Variants in CDH23 observed in about 807,000 individuals in gnomAD.
CDH23 encodes cadherin related 23, also known as cadherin-23.
A neutral mutation model predicts 317.1 loss-of-function variants in CDH23; 189 were observed. That is an observed-to-expected ratio of 0.60 (90% CI 0.53 to 0.67). CDH23 has a LOEUF of 0.67. CDH23 is among the 30% of genes least tolerant of loss of function. The probability of loss-of-function intolerance (pLI) is 0.00; values close to 1 mark genes in which losing one functional copy is unlikely to be tolerated. For synonymous variants in CDH23, 1,839 were observed against 1,876.8 expected, an observed-to-expected ratio of 0.98 and a Z score of 0.52; for missense variants, 4,401 against 4,592.4, an observed-to-expected ratio of 0.96 and a Z score of 1.20.
At chr10:71,690,904 C>A (rs10999953) in intron 20 of CDH23, among the ~76,000 whole-genome samples, 1 of 152,026 alleles carries the variant, frequency 6.6e-6, no homozygotes, top group Non-Finnish European at 1.5e-5. Context: ...GCCTCAGGGT[C>A]CCCCTCCCTC....
chr10:71,447,343 G>A (rs1055260160), intron 3 of CDH23, among the ~76,000 whole-genome samples: 1 of 152,172 alleles, frequency 6.6e-6, no homozygotes, highest in African/African-American at 2.4e-5. Context: ...GTGCAGTAGA[G>A]TGGATGCATA....
intron 20 of CDH23, 121 bp from the exon 21 acceptor site, chr10:71,694,026 C>A: frequency 1.2e-6 from 1 of 802,762 alleles, no homozygotes; most frequent in Non-Finnish European, 2.1e-6. Context: ...ATCATGGTAG[C>A]TTGCTAACAT....
chr10:71,585,667 G>C (rs1255070572), intron 9 of CDH23, among the ~76,000 whole-genome samples: 3 of 152,210 alleles, frequency 2.0e-5, no homozygotes, highest in African/African-American at 7.2e-5. Flanking sequence ...CTCCTGATGA[G>C]CCACAGAAAA....
At chr10:71,462,216 G>A (rs1342282441) in intron 3 of CDH23, among the ~76,000 whole-genome samples, 1 of 152,246 alleles carries the variant, frequency 6.6e-6, no homozygotes, top group Admixed American at 6.5e-5. Flanking sequence ...AGTGCAGTTC[G>A]CCCCTGCCCG....
At chr10:71,484,668 C>T (rs1852248603) in intron 3 of CDH23, among the ~76,000 whole-genome samples, 1 of 152,232 alleles carries the variant, frequency 6.6e-6, no homozygotes, top group Non-Finnish European at 1.5e-5. Context: ...TAAACATTAT[C>T]AGCAATGCTG....
intron 41 of CDH23, among the ~76,000 whole-genome samples, chr10:71,782,005 C>T (rs1416983722): frequency 6.6e-6 from 1 of 152,226 alleles, no homozygotes; most frequent in African/African-American, 2.4e-5. Flanking sequence ...GCTGGTTTCA[C>T]AGTGCACCAC....
At chr10:71,485,354 C>T (rs1245414472) in intron 3 of CDH23, among the ~76,000 whole-genome samples, 1 of 152,140 alleles carries the variant, frequency 6.6e-6, no homozygotes, top group Non-Finnish European at 1.5e-5. Context: ...AAAAAGTGGT[C>T]TGAAAGTTGG....
Position 71,690,516 on chromosome 10 carries a change from A to T in CDH23, c.2108A>T (p.Glu703Val), listed in dbSNP as rs1482065186. 6.2e-7 allele frequency: 1 copy of T among 1,611,604 alleles called. No individual in the cohort carries two copies. Among genetic ancestry groups the T allele is most frequent in the East Asian group, 2.2e-5 (1 of 44,836 alleles). The change falls in exon 20 of 70, where the codon GAG (glutamate) becomes GTG (valine). Residue 703 changes from glutamate (E) to valine (V), a missense_variant. Physicochemically the swap from Glu to Val is moderately radical, Grantham distance 121. This residue lies in a region of CDH23 where 3,068 missense variants were observed against 3,203.3 expected (regional missense o/e 0.96). Coordinates refer to ENST00000224721, the MANE Select transcript of CDH23 (RefSeq NM_022124.6). Reference sequence around the variant, plus strand: ...GCCACAGACCTGGACCGCTCCCGGGAGTACGGCCAGGAGTCCATCATCTAC... The same window carrying T: ...GCCACAGACCTGGACCGCTCCCGGGTGTACGGCCAGGAGTCCATCATCTAC... Reference protein sequence around the residue: ...LNATDLDRSREYGQESIIYSL... With the variant: ...LNATDLDRSRVYGQESIIYSL...
intron 14 of CDH23, among the ~76,000 whole-genome samples, chr10:71,657,248 G>A (rs1023165692): frequency 2.6e-5 from 4 of 152,222 alleles, no homozygotes; most frequent in Non-Finnish European, 4.4e-5. Context: ...GCCTTGAGCC[G>A]GTGACTGAAG....
At chr10:71,663,564 T>G (rs796176680) in intron 14 of CDH23, among the ~76,000 whole-genome samples, 12 of 152,236 alleles carry the variant, frequency 7.9e-5, no homozygotes, top group African/African-American at 2.7e-4. Flanking sequence ...TGCTGGGTCT[T>G]TTTTCTTGCC....
chr10:71,472,372 T>G (rs1037679779), intron 3 of CDH23, among the ~76,000 whole-genome samples: 2 of 152,348 alleles, frequency 1.3e-5, no homozygotes, highest in East Asian at 3.9e-4. Flanking sequence ...GCTGGGCCTC[T>G]GTCTGGGTCA....
At chr10:71,752,756 T>G (rs1840037680) in intron 38 of CDH23, among the ~76,000 whole-genome samples, 1 of 151,616 alleles carries the variant, frequency 6.6e-6, no homozygotes, top group Non-Finnish European at 1.5e-5. Context: ...CGAAGGTGGG[T>G]GCATGACACA....
At position 71,724,055 on chromosome 10, in the gene CDH23, C is replaced by T. The variant is rs745320257; in HGVS notation, c.3380C>T (p.Thr1127Met). ...EGHSILQLKATDADEGEFGRV... is the reference protein window; with the variant it reads ...EGHSILQLKAMDADEGEFGRV... Reference sequence around the variant, plus strand: ...CTCATTCTTCCTCAGCTGAAAGCCACGGACGCAGATGAGGGCGAGTTTGGG... The same window carrying T: ...CTCATTCTTCCTCAGCTGAAAGCCATGGACGCAGATGAGGGCGAGTTTGGG... Residue 1127 changes from threonine to methionine, a missense_variant, in exon 29 of 70, where the codon ACG becomes ATG. Physicochemically the swap from Thr to Met is moderately conservative, Grantham distance 81 (BLOSUM62 -1). Transcript: ENST00000224721. 1.1e-5 allele frequency: 17 copies of T among 1,559,980 alleles called. No homozygotes were observed. Among genetic ancestry groups the T allele is most frequent in the East Asian group, 2.4e-5 (1 of 41,790 alleles).
intron 45 of CDH23, 114 bp from the exon 46 acceptor site, chr10:71,790,174 C>CA (rs1841207123): frequency 1.4e-6 from 2 of 1,427,198 alleles, no homozygotes; most frequent in South Asian, 2.8e-5. Context: ...CTGTCCACCT[C>CA]ACCTCCCTCC....
At chr10:71,700,773 C>T (rs1865551524) in intron 22 of CDH23, among the ~76,000 whole-genome samples, 1 of 152,168 alleles carries the variant, frequency 6.6e-6, no homozygotes, top group African/African-American at 2.4e-5. Flanking sequence ...CTCCATCAGC[C>T]TCTCTCTCCC....
At chr10:71,568,934 G>C (rs1028466453) in intron 7 of CDH23, among the ~76,000 whole-genome samples, 2 of 152,252 alleles carry the variant, frequency 1.3e-5, no homozygotes, top group African/African-American at 4.8e-5. Context: ...GGGACAGAGA[G>C]GGCCTGTGCC....
chr10:71,806,219 C>T lies in CDH23; in HGVS notation c.8116C>T (p.Gln2706Ter), dbSNP rs868704236. The T allele has an allele frequency of 6.3e-7, 1 of 1,579,198 alleles. No individual in the cohort carries two copies. The change falls in exon 57 of 70, where the codon CAG (glutamine) becomes TAG (stop). Residue 2706 changes from glutamine (Q) to a stop codon, truncating the protein, a stop_gained. Coordinates refer to ENST00000224721, the MANE Select transcript of CDH23 (RefSeq NM_022124.6). LOFTEE classifies it high-confidence loss of function. Reference sequence around the variant, plus strand: ...CCAGCCAGTGCCATACGAGACTATGCAGCCGCTGCAGGTGGCCCTGGAGGA... The same window carrying T: ...CCAGCCAGTGCCATACGAGACTATGTAGCCGCTGCAGGTGGCCCTGGAGGA... ...LGQPVPYETMQPLQVALEDID... is the reference protein window; with the variant it reads ...LGQPVPYETM
intron 38 of CDH23, among the ~76,000 whole-genome samples, chr10:71,776,372 T>C (rs1473511503): frequency 6.6e-6 from 1 of 152,336 alleles, no homozygotes; most frequent in East Asian, 1.9e-4. Context: ...GCAAATTGCC[T>C]ACATTGAGTT....
Position 71,617,397 on chromosome 10 carries a change from A to G in CDH23, c.1134+4A>G. 6.2e-7 allele frequency: 1 copy of G among 1,612,832 alleles called. No homozygotes were observed. Among genetic ancestry groups the G allele is most frequent in the East Asian group, 2.2e-5 (1 of 44,886 alleles). On this transcript the variant is annotated splice_donor_region_variant and intron_variant, in intron 11 of 69. Coordinates refer to ENST00000224721, the MANE Select transcript of CDH23 (RefSeq NM_022124.6). ...CCAGGTGGTGGACAAGGATGAGGTG[A>G]GTCCCTGGACACATGGCCCATGCAG...
Sources: allele counts gnomAD v4.1 joint callset (sites outside exome capture counted in the v4.1 genomes callset), GRCh38; gene constraint gnomAD v4.1.1; regional missense constraint gnomAD v4.1.1; transcripts MANE v1.5; gene names NCBI Gene and HGNC (gene_info 2026-07-23, HGNC 2026-07-21).